The following SH3TC1 variants were observed in gnomAD, a reference collection of about 807,000 sequenced individuals.
SH3TC1 encodes the protein SH3 domain and tetratricopeptide repeat-containing protein 1.
SH3TC1 carries 135 observed loss-of-function variants against 117.3 expected under a neutral mutation model. The observed-to-expected ratio is 1.15, with a 90% CI of 1.00 to 1.33. The LOEUF (loss-of-function observed/expected upper bound fraction) is 1.33, where lower values mean the gene tolerates loss of function less well. SH3TC1 is among the 40% of genes most tolerant of loss of function. SH3TC1 has a pLI of 0.00. For synonymous variants in SH3TC1, 898 were observed against 816.9 expected (o/e 1.10, Z -1.69); for missense variants, 2,092 against 1,794.3 (o/e 1.17, Z -3.00).
In SH3TC1 at chr4:8,190,715, G is replaced by A. The variant is rs1292443446; in HGVS notation, c.-57+8505G>A. Among the ~76,000 whole-genome samples the A allele has an allele frequency of 6.6e-6, 1 of 151,866 alleles. No individual in the cohort carries two copies. Among genetic ancestry groups the A allele is most frequent in the Admixed American group, 6.6e-5 (1 of 15,250 alleles). Reference sequence around the variant, plus strand: ...GAGTGCAGTAGTGTGGTTATCGCTCGCTGCAGCCTCCAACTCCTGGGCTCA... The same window carrying A: ...GAGTGCAGTAGTGTGGTTATCGCTCACTGCAGCCTCCAACTCCTGGGCTCA... On this transcript the variant is annotated intron_variant, in intron 1 of 16. Transcript: ENST00000508641. The surrounding 1 kb of genome is among the most constrained non-coding windows in gnomAD (Gnocchi z 4.7).
At chr4:8,219,307 GCACTCA>G in intron 8 of SH3TC1, 22 bp from the exon 9 acceptor site, 2 of 1,556,522 alleles carry the variant, frequency 1.3e-6, no homozygotes, top group Non-Finnish European at 1.7e-6. Flanking sequence ...GGTCTCCCTG[GCACTCA>G]CCATGTGGCT....
At chr4:8,191,873 C>T (rs541783980) in intron 1 of SH3TC1, among the ~76,000 whole-genome samples, 57 of 152,160 alleles carry the variant, frequency 3.7e-4, no homozygotes, top group Non-Finnish European at 6.2e-4. Flanking sequence ...AATCGGAGGC[C>T]GGGAAAGATG....
At chr4:8,238,863 G>A (rs948915718) in intron 17 of SH3TC1, among the ~76,000 whole-genome samples, 3 of 152,184 alleles carry the variant, frequency 2.0e-5, no homozygotes, top group African/African-American at 7.2e-5. Context: ...CCATGGCTGG[G>A]GTCAAGGGGC....
intron 16 of SH3TC1, 90 bp downstream of exon 16, chr4:8,236,518 C>T (rs534790613): frequency 6.4e-6 from 9 of 1,401,066 alleles, no homozygotes; most frequent in South Asian, 1.6e-5. Flanking sequence ...AAACAGCTGC[C>T]GGATTTTCCT....
rs1445567768 is a variant in SH3TC1 at position 8,183,188 on chromosome 4, A to G, written c.-57+978A>G. Reference sequence around the variant, plus strand: ...AGAATGGTCTGGAGCCCTCTGTGGCAGCAGCAGCCCCAGGCGAGTTCTGTT... The same window carrying G: ...AGAATGGTCTGGAGCCCTCTGTGGCGGCAGCAGCCCCAGGCGAGTTCTGTT... On this transcript the variant is annotated intron_variant, in intron 1 of 16. Coordinates refer to the SH3TC1 transcript ENST00000508641. This position sits in a 1 kb window ranked among gnomAD's most constrained non-coding sequence, Gnocchi z 5.4. 6.6e-6 allele frequency among the ~76,000 whole-genome samples: 1 copy of G among 152,190 alleles called. No individual in the cohort carries two copies. Among genetic ancestry groups the G allele is most frequent in the Non-Finnish European group, 1.5e-5 (1 of 68,038 alleles).
At chr4:8,198,778 C>T (rs919274077), upstream of SH3TC1, among the ~76,000 whole-genome samples, 9 of 152,168 alleles carry the variant, frequency 5.9e-5, no homozygotes, top group Admixed American at 3.3e-4. Flanking sequence ...GGAGGGCACC[C>T]GGGCAGAGAC....
At chr4:8,235,591 A>C in intron 15 of SH3TC1, 36 bp downstream of exon 15, 1 of 1,532,996 alleles carries the variant, frequency 6.5e-7, no homozygotes. Flanking sequence ...GGTGGGCCCC[A>C]GGGGGGGCAC....
chr4:8,188,627 G>A (rs1262692637), intron 1 of SH3TC1, among the ~76,000 whole-genome samples: 1 of 152,238 alleles, frequency 6.6e-6, no homozygotes, highest in Non-Finnish European at 1.5e-5. Flanking sequence ...TGGTGAGCAG[G>A]GGAGGGCTAT....
rs368096951 is a variant in SH3TC1 at position 8,237,684 on chromosome 4, G to A, written c.3753+14G>A. The A allele has an allele frequency of 2.9e-5, 46 of 1,586,796 alleles. No homozygotes were observed. The Middle Eastern group carries it at 8.5e-4, about 29-fold the overall frequency. ...TACGACCTGAAGGTGGGTGGGGAGG[G>A]GCTGGGCTCAGGGTGTTCCCGGCCC... On this transcript the variant is annotated intron_variant, in intron 17 of 17. Coordinates refer to ENST00000245105, the MANE Select transcript of SH3TC1 (RefSeq NM_018986.5).
chr4:8,203,216 G>T (rs1429249904), intron 1 of SH3TC1, among the ~76,000 whole-genome samples: 1 of 152,210 alleles, frequency 6.6e-6, no homozygotes, highest in Non-Finnish European at 1.5e-5. Context: ...GTGGGAAAAG[G>T]CATGGCAGGG....
In SH3TC1 at chr4:8,205,600, C is replaced by T. The variant is rs375922631; in HGVS notation, c.172+234C>T. 70 of 776,060 alleles carry T rather than the reference C, an allele frequency of 9.0e-5. No individual in the cohort carries two copies. The African/African-American group carries it at 9.3e-4, about 10-fold the overall frequency. The allele number at this position is 776,060 out of a possible 1,614,324, so 48.1% of individuals were successfully genotyped here. On this transcript the variant is annotated intron_variant, in intron 2 of 17. Transcript: ENST00000245105. This position sits in a 1 kb window ranked among gnomAD's most constrained non-coding sequence, Gnocchi z 5.4. Reference sequence around the variant, plus strand: ...CCCAGCTCGTGTTTTTCCAGGGACGCGTCAGTGATAACAAAACTGGCAAAG... The same window carrying T: ...CCCAGCTCGTGTTTTTCCAGGGACGTGTCAGTGATAACAAAACTGGCAAAG...
chr4:8,231,667 C>T (rs954004277), intron 12 of SH3TC1: 23 of 394,906 alleles, frequency 5.8e-5, no homozygotes, highest in African/African-American at 2.6e-4. Context: ...TCCCTGGCCT[C>T]GTCAGCTCGG....
chr4:8,240,367 G>A (rs982936093), intron 17 of SH3TC1, among the ~76,000 whole-genome samples: 1 of 152,310 alleles, frequency 6.6e-6, no homozygotes, highest in African/African-American at 2.4e-5. Context: ...GCTGTGGCTG[G>A]GAGCCATGGG....
chr4:8,240,995 G>T lies in SH3TC1; in HGVS notation c.*40G>T, dbSNP rs1008075302. 6.9e-6 allele frequency: 11 copies of T among 1,590,936 alleles called. No homozygotes were observed. The highest frequency in any genetic ancestry group is 9.4e-6 in the Non-Finnish European group (11 of 1,170,486). On this transcript the variant is annotated 3_prime_UTR_variant, in exon 18 of 18. Coordinates refer to ENST00000245105, the MANE Select transcript of SH3TC1 (RefSeq NM_018986.5). ...GGAGTGGGTTTTGTGCAAGGGCTGGGGGTCTCCTGCCTCTCCTGGTGTCGC... is the reference window on the plus strand; with the variant it reads ...GGAGTGGGTTTTGTGCAAGGGCTGGTGGTCTCCTGCCTCTCCTGGTGTCGC...
At chr4:8,240,018 G>A (rs980004999) in intron 17 of SH3TC1, among the ~76,000 whole-genome samples, 1 of 152,224 alleles carries the variant, frequency 6.6e-6, no homozygotes, top group African/African-American at 2.4e-5. Context: ...TCTTGAGATG[G>A]TAAAGGGGAA....
In SH3TC1 at chr4:8,192,131, A is replaced by C. The variant is rs1179829279; in HGVS notation, c.-57+9921A>C. ...CTGCCTCCCAAGTAGCTAAGATTAC[A>C]GGCACCTGCCACCACACTCAGCTAA... On this transcript the variant is annotated intron_variant, in intron 1 of 16. Coordinates refer to the SH3TC1 transcript ENST00000508641. The surrounding 1 kb of genome is among the most constrained non-coding windows in gnomAD (Gnocchi z 4.1). Among the ~76,000 whole-genome samples the C allele has an allele frequency of 1.3e-5, 2 of 151,834 alleles. No homozygotes were observed. Among genetic ancestry groups the C allele is most frequent in the Non-Finnish European group, 2.9e-5 (2 of 68,006 alleles).
At position 8,225,901 on chromosome 4, in the gene SH3TC1, C is replaced by G. The variant is rs543932962; in HGVS notation, c.1285+685C>G. ...TCCTGGGGGAGGGGGTGGATCCACC[C>G]TCTGCCGAAGTCCCTGGAGCAAATG... On this transcript the variant is annotated intron_variant, in intron 11 of 17. Coordinates refer to ENST00000245105, the MANE Select transcript of SH3TC1 (RefSeq NM_018986.5). The surrounding 1 kb of genome is among the most constrained non-coding windows in gnomAD (Gnocchi z 5.5). Among the ~76,000 whole-genome samples the G allele has an allele frequency of 1.3e-5, 2 of 152,194 alleles. No individual in the cohort carries two copies. Among genetic ancestry groups the G allele is most frequent in the East Asian group, 3.9e-4 (2 of 5,162 alleles).
rs772680895 is a variant in SH3TC1 at position 8,237,653 on chromosome 4, ATCT to A, written c.3740_3742del (p.Phe1247del). On this transcript the variant is annotated inframe_deletion, in exon 17 of 18. Transcript: ENST00000245105. ...GGTGTACCTGGTGCTCGGTGACATC[ATCT>A]TCTACGACCTGAAGGTGGGTGGGGA... 21 of 1,606,386 alleles carry A rather than the reference ATCT, an allele frequency of 1.3e-5. No homozygotes were observed. The Admixed American group carries it at 2.7e-4, about 21-fold the overall frequency.
Position 8,209,536 on chromosome 4 carries a change from G to T in SH3TC1, c.173-212G>T. On this transcript the variant is annotated intron_variant, in intron 2 of 17. Transcript: ENST00000245105. The surrounding 1 kb of genome is among the most constrained non-coding windows in gnomAD (Gnocchi z 5.9). ...GTGTGGTCTTAAGCCTCTGAGTGTG[G>T]GGCAGCTTGTCACAGCATGCTGGGA... 9.4e-7 allele frequency: 1 copy of T among 1,069,384 alleles called. No homozygotes were observed. The highest frequency in any genetic ancestry group is 1.4e-6 in the Non-Finnish European group (1 of 737,034). The allele number at this position is 1,069,384 out of a possible 1,614,324, so 66.2% of individuals were successfully genotyped here.
Sources: gnomAD v4.1 joint callset for allele counts (sites outside exome capture counted in the v4.1 genomes callset) on GRCh38, gnomAD v4.1.1 for gene constraint, Gnocchi (gnomAD v3.1) non-coding constraint, MANE v1.5 for transcripts, NCBI Gene and HGNC (gene_info 2026-07-23, HGNC 2026-07-21) for gene names.